NRF1: variants seen among roughly 807,000 people sequenced by gnomAD.
NRF1 encodes the protein alpha palindromic-binding protein.
Under a neutral mutation model 58.5 loss-of-function variants are expected in NRF1, and 5 were observed. The ratio of observed to expected loss-of-function variants is 0.09; its 90% CI spans 0.04 to 0.18. The LOEUF (loss-of-function observed/expected upper bound fraction) is 0.18, where lower values mean the gene tolerates loss of function less well. Ranked by LOEUF, NRF1 falls within the 10% of genes least tolerant of loss-of-function variation. NRF1 has a pLI of 1.00. For missense variants in NRF1, 288 were observed against 657.7 expected (o/e 0.44, Z 6.15); for synonymous variants, 224 against 246.7 (o/e 0.91, Z 0.86).
At chr7:129,725,957 G>A (rs1188309143) in intron 9 of NRF1, among the ~76,000 whole-genome samples, 1 of 152,152 alleles carries the variant, frequency 6.6e-6, no homozygotes, top group Non-Finnish European at 1.5e-5. Flanking sequence ...ACTGTCTTAG[G>A]TAAAGGAGAC....
chr7:129,671,347 C>T (rs761275866), intron 2 of NRF1, 82 bp from the exon 3 acceptor site: 25 of 778,856 alleles, frequency 3.2e-5, no homozygotes, highest in Non-Finnish European at 4.8e-5. Flanking sequence ...AGCAGTGCTA[C>T]CTTTTTTGTA....
Position 129,738,895 on chromosome 7 carries a change from C to T in NRF1, c.1348+11530C>T, listed in dbSNP as rs185477399. On this transcript the variant is annotated intron_variant, in intron 10 of 10. Transcript: ENST00000393232. ...AATGAAACTCCCTTCTTCCCCTTCACTCCCTCTTGCCAGCTTAGCCTACCT... is the reference window on the plus strand; with the variant it reads ...AATGAAACTCCCTTCTTCCCCTTCATTCCCTCTTGCCAGCTTAGCCTACCT... Among the ~76,000 whole-genome samples the T allele has an allele frequency of 7.9e-5, 12 of 152,336 alleles. No homozygotes were observed. The East Asian group carries it at 1.7e-3, about 22-fold the overall frequency.
At chr7:129,653,497 A>T (rs1473397370) in intron 1 of NRF1, among the ~76,000 whole-genome samples, 1 of 152,164 alleles carries the variant, frequency 6.6e-6, no homozygotes, top group Non-Finnish European at 1.5e-5. Context: ...CCCTCATGGT[A>T]TTGTACATTA....
At chr7:129,737,645 G>GT (rs1443987899) in intron 10 of NRF1, among the ~76,000 whole-genome samples, 1 of 152,156 alleles carries the variant, frequency 6.6e-6, no homozygotes, top group Non-Finnish European at 1.5e-5. Context: ...CCACTGAGAT[G>GT]TAAATGTTAA....
In NRF1 at chr7:129,731,515, G is replaced by A. The variant is rs570499289; in HGVS notation, c.1348+4150G>A. On this transcript the variant is annotated intron_variant, in intron 10 of 10. Transcript: ENST00000393232. ...CTCTTAGGATGGAGTTTCATGGTTC[G>A]GTTCAATATAAAGATTTTCACAGAT... Among the ~76,000 whole-genome samples the A allele has an allele frequency of 5.3e-5, 8 of 152,214 alleles. No individual in the cohort carries two copies. In the South Asian group the frequency reaches 1.7e-3, roughly 32 times the overall value.
chr7:129,727,705 A>G (rs1803480098), intron 10 of NRF1, among the ~76,000 whole-genome samples: 3 of 152,186 alleles, frequency 2.0e-5, no homozygotes, highest in Non-Finnish European at 2.9e-5. Flanking sequence ...GGGTAGATCA[A>G]TGTCCTTTAC....
chr7:129,744,579 C>T (rs2116306353), intron 10 of NRF1, among the ~76,000 whole-genome samples: 1 of 152,150 alleles, frequency 6.6e-6, no homozygotes, highest in Non-Finnish European at 1.5e-5. Flanking sequence ...GAACTTGTCC[C>T]CATTAACAAT....
chr7:129,713,362 G>A (rs1363349511), intron 8 of NRF1, among the ~76,000 whole-genome samples: 3 of 152,006 alleles, frequency 2.0e-5, no homozygotes, highest in African/African-American at 7.2e-5. Flanking sequence ...GTGCTAGGAT[G>A]ATATATAGTA....
chr7:129,657,213 G>T, intron 1 of NRF1, 133 bp from the exon 2 acceptor site: 1 of 638,670 alleles, frequency 1.6e-6, no homozygotes, highest in Non-Finnish European at 2.8e-6. Flanking sequence ...CTGTGACTTG[G>T]TGTGGCACGG....
intron 5 of NRF1, among the ~76,000 whole-genome samples, chr7:129,707,402 G>C (rs767151181): frequency 3.3e-5 from 5 of 152,110 alleles, no homozygotes; most frequent in Non-Finnish European, 5.9e-5. Flanking sequence ...ACTGTTAATG[G>C]TATTCAAAGA....
At chr7:129,625,821 T>A (rs1212969176) in intron 1 of NRF1, among the ~76,000 whole-genome samples, 1 of 151,664 alleles carries the variant, frequency 6.6e-6, no homozygotes, top group Admixed American at 6.6e-5. Context: ...AGCTGGGACG[T>A]CGGGTGCCTG....
intron 1 of NRF1, among the ~76,000 whole-genome samples, chr7:129,650,846 A>G (rs896686293): frequency 7.2e-5 from 11 of 152,254 alleles, no homozygotes; most frequent in African/African-American, 2.6e-4. Flanking sequence ...AATATTTAAT[A>G]TATTTTTACC....
chr7:129,692,135 A>T (rs545968821), intron 5 of NRF1, among the ~76,000 whole-genome samples: 1 of 152,152 alleles, frequency 6.6e-6, no homozygotes, highest in African/African-American at 2.4e-5. Context: ...TTCACCTCTG[A>T]AATGTACCCT....
Position 129,755,287 on chromosome 7 carries a change from G to A in NRF1, c.*106G>A, listed in dbSNP as rs1804225832. ...TAAGTCTCTCGACTTTGGAAGGAAA[G>A]TTTTGTTAACCTTTTTTTTTTTAAA... On this transcript the variant is annotated 3_prime_UTR_variant, in exon 11 of 11. Transcript: ENST00000393232. This position sits in a 1 kb window ranked among gnomAD's most constrained non-coding sequence, Gnocchi z 5.8. The A allele has an allele frequency of 9.8e-7, 1 of 1,024,424 alleles. No individual in the cohort carries two copies. Among genetic ancestry groups the A allele is most frequent in the Non-Finnish European group, 1.3e-6 (1 of 770,932 alleles). The allele number at this position is 1,024,424 out of a possible 1,614,324, so 63.5% of individuals were successfully genotyped here.
At chr7:129,615,335 A>G (rs949811706) in intron 1 of NRF1, among the ~76,000 whole-genome samples, 6 of 152,352 alleles carry the variant, frequency 3.9e-5, no homozygotes, top group Non-Finnish European at 5.9e-5. Context: ...ACAAATGTCT[A>G]CTTTAACCTC....
chr7:129,712,247 A>T (rs1803090455), intron 8 of NRF1, among the ~76,000 whole-genome samples: 3 of 152,304 alleles, frequency 2.0e-5, no homozygotes, highest in East Asian at 1.9e-4. Context: ...TGAGAAAAAC[A>T]TTACCTAGGC....
At chr7:129,637,481 CTTA>C (rs1219582391) in intron 1 of NRF1, among the ~76,000 whole-genome samples, 1 of 152,046 alleles carries the variant, frequency 6.6e-6, no homozygotes, top group Non-Finnish European at 1.5e-5. Context: ...TAATCACAGT[CTTA>C]TTATTTTGAA....
intron 1 of NRF1, among the ~76,000 whole-genome samples, chr7:129,619,486 G>GTATATATATA (rs1287050843): frequency 2.7e-3 from 87 of 32,268 alleles, no homozygotes; most frequent in Non-Finnish European, 4.8e-3. Flanking sequence ...GTGTGTGTGT[G>GTATATATATA]TGTGTATATA....
intron 1 of NRF1, among the ~76,000 whole-genome samples, chr7:129,639,902 G>A (rs1801251866): frequency 6.6e-6 from 1 of 152,162 alleles, no homozygotes; most frequent in South Asian, 2.1e-4. Context: ...ACTGAAAATG[G>A]GAATGGATAG....
Sources: allele counts gnomAD v4.1 joint callset (sites outside exome capture counted in the v4.1 genomes callset), GRCh38; gene constraint gnomAD v4.1.1; non-coding constraint Gnocchi (gnomAD v3.1); transcripts MANE v1.5; gene names NCBI Gene and HGNC (gene_info 2026-07-23, HGNC 2026-07-21).